PPP2R1A: variants seen among roughly 807,000 people sequenced by gnomAD.
PPP2R1A encodes serine/threonine-protein phosphatase 2A 65 kDa regulatory subunit A alpha isoform.
PPP2R1A carries 15 observed loss-of-function variants against 67.1 expected under a neutral mutation model. That is an observed-to-expected ratio of 0.22 (90% CI 0.15 to 0.34). PPP2R1A has a LOEUF of 0.34. Ranked by LOEUF, PPP2R1A falls within the 10% of genes least tolerant of loss-of-function variation. The pLI, the probability that PPP2R1A is intolerant of heterozygous loss-of-function variation, is 1.00. For synonymous variants in PPP2R1A, 337 were observed against 325.0 expected (o/e 1.04, Z -0.40); for missense variants, 369 against 775.0 (o/e 0.48, Z 6.22).
chr19:52,211,248 T>C lies in PPP2R1A; in HGVS notation c.271-12T>C. 6.2e-7 allele frequency: 1 copy of C among 1,610,542 alleles called. No homozygotes were observed. Among genetic ancestry groups the C allele is most frequent in the Non-Finnish European group, 8.5e-7 (1 of 1,179,016 alleles). Reference sequence around the variant, plus strand: ...GAGGGAGCTGTCCAGTGACTTTGTGTTCTCACCACAGCCACCGCTGGAGTC... The same window carrying C: ...GAGGGAGCTGTCCAGTGACTTTGTGCTCTCACCACAGCCACCGCTGGAGTC... On this transcript the variant is annotated splice_polypyrimidine_tract_variant and intron_variant, in intron 3 of 14. Transcript: ENST00000322088. This position sits in a 1 kb window ranked among gnomAD's most constrained non-coding sequence, Gnocchi z 5.3.
intron 1 of PPP2R1A, among the ~76,000 whole-genome samples, chr19:52,193,625 G>A (rs1292211117): frequency 2.0e-5 from 3 of 151,944 alleles, no homozygotes; most frequent in East Asian, 3.9e-4. Flanking sequence ...TCACTCTGTC[G>A]TCCAGGCCGT....
In PPP2R1A at chr19:52,210,771, C is replaced by T. The variant is rs186332765; in HGVS notation, c.271-489C>T. On this transcript the variant is annotated intron_variant, in intron 3 of 14. Coordinates refer to ENST00000322088, the MANE Select transcript of PPP2R1A (RefSeq NM_014225.6). ...CCTCCCATAGTGCTGGGATTACAGG[C>T]GTGAGCCACTGCGCCCGGCCCGTTT... is the stretch of plus-strand genomic sequence containing the variant. Among the ~76,000 whole-genome samples the T allele has an allele frequency of 5.9e-5, 9 of 152,276 alleles. No individual in the cohort carries two copies. In the East Asian group the frequency reaches 7.7e-4, roughly 13 times the overall value.
chr19:52,213,587 T>A lies in PPP2R1A; in HGVS notation c.807+477T>A, dbSNP rs7254774. On this transcript the variant is annotated intron_variant, in intron 6 of 14. Coordinates refer to ENST00000322088, the MANE Select transcript of PPP2R1A (RefSeq NM_014225.6). This position sits in a 1 kb window ranked among gnomAD's most constrained non-coding sequence, Gnocchi z 4.2. ...AGCCTGTCCCTCCCGGGTGCAGGCATTTCTCCTGCCTCAGCCTCCTGAGGG... is the reference window on the plus strand; with the variant it reads ...AGCCTGTCCCTCCCGGGTGCAGGCAATTCTCCTGCCTCAGCCTCCTGAGGG... Among the ~76,000 whole-genome samples, 23,763 of 149,332 alleles carry A rather than the reference T, an allele frequency of 0.16. 2,385 individuals are homozygous for A. The highest frequency in any genetic ancestry group is 0.29 in the African/African-American group (11,619 of 40,308).
intron 1 of PPP2R1A, among the ~76,000 whole-genome samples, chr19:52,192,882 A>C (rs573793941): frequency 5.9e-5 from 9 of 152,306 alleles, no homozygotes; most frequent in African/African-American, 2.2e-4. Flanking sequence ...CGAGGTGTTC[A>C]TCTGTCTGGA....
intron 1 of PPP2R1A, among the ~76,000 whole-genome samples, chr19:52,193,262 C>A (rs16983538): frequency 0.019 from 2,823 of 152,324 alleles, 96 homozygotes; most frequent in African/African-American, 0.064. Flanking sequence ...GTGGGACACA[C>A]GGTTGCTGAT....
At chr19:52,206,823 CTGTT>C (rs2089607911) in intron 3 of PPP2R1A, among the ~76,000 whole-genome samples, 1 of 152,176 alleles carries the variant, frequency 6.6e-6, no homozygotes, top group African/African-American at 2.4e-5. Context: ...CTGGTTTTCA[CTGTT>C]CTCAGAGTGC....
chr19:52,224,364 C>T (rs1979124146), intron 13 of PPP2R1A, among the ~76,000 whole-genome samples: 1 of 152,204 alleles, frequency 6.6e-6, no homozygotes, highest in Non-Finnish European at 1.5e-5. Flanking sequence ...GAGTGGATGC[C>T]TCCTCTGGGC....
rs1978965289 is a variant in PPP2R1A, at chr19:52,222,020, T to C, written c.1519-79T>C. The C allele has an allele frequency of 4.3e-6, 6 of 1,410,828 alleles. No individual in the cohort carries two copies. In the South Asian group the frequency reaches 8.3e-5, roughly 19 times the overall value. The allele number at this position is 1,410,828 out of a possible 1,614,324, so 87.4% of individuals were successfully genotyped here. ...CTGTGGGGCCTGATGATCACCAGAG[T>C]GGCCTGGTCAGAGGCAGCAGGAAAT... On this transcript the variant is annotated intron_variant, in intron 12 of 14. Transcript: ENST00000322088.
Position 52,226,728 on chromosome 19 carries a change from C to T in PPP2R1A, c.*747C>T, listed in dbSNP as rs111484780. ...AATTGTGGCTCCTTCAGTTAATAGACGTGTGACTAGGAGTAGCTTGTTAAG... is the reference window on the plus strand; with the variant it reads ...AATTGTGGCTCCTTCAGTTAATAGATGTGTGACTAGGAGTAGCTTGTTAAG... On this transcript the variant is annotated 3_prime_UTR_variant, in exon 15 of 15. Transcript: ENST00000322088. 7,281 of 161,980 alleles carry T rather than the reference C, an allele frequency of 0.045. 215 individuals are homozygous for T. The highest frequency in any genetic ancestry group is 0.055 in the Non-Finnish European group (4,048 of 73,656). 10.0% of individuals were successfully genotyped at this position (161,980 alleles called of 1,614,324 possible).
intron 2 of PPP2R1A, among the ~76,000 whole-genome samples, chr19:52,202,761 G>T (rs926370482): frequency 6.6e-6 from 1 of 152,226 alleles, no homozygotes; most frequent in Non-Finnish European, 1.5e-5. Flanking sequence ...GTGACTTTGG[G>T]CAAGATATTT....
At chr19:52,218,208 T>C (rs1978699492) in intron 9 of PPP2R1A, among the ~76,000 whole-genome samples, 1 of 152,148 alleles carries the variant, frequency 6.6e-6, no homozygotes. Flanking sequence ...CCCAAAAGCC[T>C]CAGTCTTTCT....
intron 13 of PPP2R1A, 113 bp downstream of exon 13, chr19:52,222,354 C>G: frequency 7.1e-7 from 1 of 1,418,158 alleles, no homozygotes; most frequent in Non-Finnish European, 9.3e-7. Flanking sequence ...TCCTTGCTTG[C>G]TGTGTGACCT....
chr19:52,199,324 G>A (rs2089525132), intron 1 of PPP2R1A, among the ~76,000 whole-genome samples: 1 of 151,980 alleles, frequency 6.6e-6, no homozygotes, highest in South Asian at 2.1e-4. Context: ...CCGCCACCAC[G>A]CCCGGCTAAT....
chr19:52,210,117 C>T (rs1209120733), intron 3 of PPP2R1A, among the ~76,000 whole-genome samples: 1 of 152,074 alleles, frequency 6.6e-6, no homozygotes, highest in Non-Finnish European at 1.5e-5. Flanking sequence ...GCTTTAAATA[C>T]CTGTCAGCCC....
intron 2 of PPP2R1A, among the ~76,000 whole-genome samples, chr19:52,204,834 A>G (rs1387032135): frequency 6.6e-6 from 1 of 152,188 alleles, no homozygotes; most frequent in Non-Finnish European, 1.5e-5. Flanking sequence ...CAATGAAAGC[A>G]TTTATTTCCC....
chr19:52,192,469 G>C (rs183418046), intron 1 of PPP2R1A, among the ~76,000 whole-genome samples: 1 of 151,936 alleles, frequency 6.6e-6, no homozygotes, highest in Non-Finnish European at 1.5e-5. Context: ...CACCACGCCT[G>C]GCTGATTTTT....
At chr19:52,214,911 A>C (rs1018220652) in intron 6 of PPP2R1A, among the ~76,000 whole-genome samples, 4 of 152,036 alleles carry the variant, frequency 2.6e-5, no homozygotes, top group African/African-American at 9.7e-5. Flanking sequence ...TTTTTAGTAG[A>C]GATGGGGTTT....
chr19:52,203,157 C>T (rs1448493151), intron 2 of PPP2R1A, among the ~76,000 whole-genome samples: 1 of 152,068 alleles, frequency 6.6e-6, no homozygotes, highest in African/African-American at 2.4e-5. Flanking sequence ...AGATTGTTAC[C>T]CCTCCCCACA....
intron 3 of PPP2R1A, among the ~76,000 whole-genome samples, chr19:52,210,593 A>G (rs1438229733): frequency 6.6e-6 from 1 of 151,290 alleles, no homozygotes; most frequent in Non-Finnish European, 1.5e-5. Flanking sequence ...CCCGGGTTCA[A>G]GGATTCTTCT....
Sources: allele counts gnomAD v4.1 joint callset (sites outside exome capture counted in the v4.1 genomes callset), GRCh38; gene constraint gnomAD v4.1.1; non-coding constraint Gnocchi (gnomAD v3.1); transcripts MANE v1.5; gene names NCBI Gene and HGNC (gene_info 2026-07-23, HGNC 2026-07-21).